The following AGPS variants were observed in gnomAD, a reference collection of about 807,000 sequenced individuals.
AGPS encodes the protein alkylglycerone phosphate synthase.
AGPS carries 26 observed loss-of-function variants against 90.7 expected under a neutral mutation model. The observed-to-expected ratio is 0.29, with a 90% CI of 0.21 to 0.40. The LOEUF (loss-of-function observed/expected upper bound fraction) is 0.40, where lower values mean the gene tolerates loss of function less well. Ranked by LOEUF, AGPS falls within the 10% of genes least tolerant of loss-of-function variation. The pLI, the probability that AGPS is intolerant of heterozygous loss-of-function variation, is 1.00. For synonymous variants in AGPS, 294 were observed against 285.3 expected, an observed-to-expected ratio of 1.03 and a Z score of -0.31; for missense variants, 540 against 816.1, an observed-to-expected ratio of 0.66 and a Z score of 4.12.
intron 3 of AGPS, among the ~76,000 whole-genome samples, chr2:177,435,021 A>ATATATATATATATG (rs1386186429): frequency 4.1e-5 from 6 of 146,982 alleles, no homozygotes; most frequent in African/African-American, 1.2e-4. Context: ...ATATATATAT[A>ATATATATATATATG]TATGTATGAA....
At chr2:177,423,938 A>AT (rs901698712) in intron 2 of AGPS, among the ~76,000 whole-genome samples, 30 of 150,224 alleles carry the variant, frequency 2.0e-4, no homozygotes, top group Admixed American at 1.2e-3. Context: ...AATTCTAGAG[A>AT]TTTTTTTTTT....
At chr2:177,399,702 G>T (rs1191639285) in intron 1 of AGPS, among the ~76,000 whole-genome samples, 1 of 152,116 alleles carries the variant, frequency 6.6e-6, no homozygotes, top group Non-Finnish European at 1.5e-5. Context: ...TATTTTATCT[G>T]TATTTAGATT....
At chr2:177,416,841 T>C (rs191078781) in intron 1 of AGPS, among the ~76,000 whole-genome samples, 2 of 152,294 alleles carry the variant, frequency 1.3e-5, no homozygotes, top group East Asian at 3.9e-4. Flanking sequence ...GTCTTGTTTT[T>C]TGAAAGATGT....
chr2:177,532,371 C>G (rs911951050), intron 19 of AGPS, among the ~76,000 whole-genome samples: 1 of 151,988 alleles, frequency 6.6e-6, no homozygotes. Flanking sequence ...TGTTCAACAT[C>G]GTTAGCTATT....
At chr2:177,479,983 C>T (rs1687897146) in intron 10 of AGPS, among the ~76,000 whole-genome samples, 1 of 152,076 alleles carries the variant, frequency 6.6e-6, no homozygotes, top group Admixed American at 6.6e-5. Context: ...GAGTTCGAGA[C>T]CAGCCTGACC....
At chr2:177,491,519 T>G (rs995552959) in intron 11 of AGPS, among the ~76,000 whole-genome samples, 5 of 151,000 alleles carry the variant, frequency 3.3e-5, no homozygotes, top group African/African-American at 1.2e-4. Flanking sequence ...TCGGGCAGTC[T>G]GCCTCCCTTG....
In AGPS at chr2:177,497,778, A is replaced by G. The variant is rs760059558; in HGVS notation, c.1362+13A>G. ...TTATATTACAAAGGTAAGAATTTTT[A>G]TAAAATGCTAAAATTGTAAATGCTT... On this transcript the variant is annotated intron_variant, in intron 13 of 19. Coordinates refer to ENST00000264167, the MANE Select transcript of AGPS (RefSeq NM_003659.4). The G allele has an allele frequency of 2.2e-6, 3 of 1,356,996 alleles. No homozygotes were observed. The highest frequency in any genetic ancestry group is 2.3e-5 in the East Asian group (1 of 42,592). The allele number at this position is 1,356,996 out of a possible 1,614,324, so 84.1% of individuals were successfully genotyped here.
At chr2:177,410,680 C>T (rs1041732283) in intron 1 of AGPS, among the ~76,000 whole-genome samples, 2 of 152,060 alleles carry the variant, frequency 1.3e-5, no homozygotes, top group African/African-American at 2.4e-5. Flanking sequence ...GACAGTTGTC[C>T]GGGACAGGGA....
chr2:177,393,515 G>A (rs898798568), intron 1 of AGPS: 1 of 985,204 alleles, frequency 1.0e-6, no homozygotes, highest in African/African-American at 1.7e-5. Flanking sequence ...CCTGGAAAAA[G>A]GTGCTGACTG....
chr2:177,508,744 C>G (rs958016822), intron 16 of AGPS, among the ~76,000 whole-genome samples: 2 of 152,164 alleles, frequency 1.3e-5, no homozygotes, highest in Non-Finnish European at 2.9e-5. Flanking sequence ...ATTGTCTATA[C>G]AATCCCTTAT....
intron 13 of AGPS, among the ~76,000 whole-genome samples, chr2:177,499,410 T>C (rs1688493205): frequency 6.6e-6 from 1 of 151,924 alleles, no homozygotes; most frequent in Non-Finnish European, 1.5e-5. Context: ...AGTGTTTTTT[T>C]CTATGCTGAA....
chr2:177,392,912 C>G lies in AGPS; in HGVS notation c.123C>G (p.Leu41=), dbSNP rs1359929229. The G allele has an allele frequency of 1.3e-6, 2 of 1,550,350 alleles. No homozygotes were observed. The highest frequency in any genetic ancestry group is 1.2e-5 in the South Asian group (1 of 84,094). Residue 41 remains leucine, a synonymous_variant, in exon 1 of 20, where the codon CTC becomes CTG. Coordinates refer to ENST00000264167, the MANE Select transcript of AGPS (RefSeq NM_003659.4). ...GCGCCGGGCGGAGGCTGCGGGTTCT[C>G]TCTGGCCATCTGCTGGGCCGGCCCC... ...PDRAGRRLRV[L]SGHLLGRPRE...
In AGPS at chr2:177,505,829, T is replaced by C. The variant is rs149407082; in HGVS notation, c.1545+254T>C. ...TCTTTAAAAGAATGGAGCCTTTCTC[T>C]GTTTAAAAGTTGAGCATACCATTCA... On this transcript the variant is annotated intron_variant, in intron 15 of 19. Coordinates refer to ENST00000264167, the MANE Select transcript of AGPS (RefSeq NM_003659.4). Among the ~76,000 whole-genome samples, 233 of 152,062 alleles carry C rather than the reference T, an allele frequency of 1.5e-3. 1 individual carries two copies. The highest frequency in any genetic ancestry group is 5.3e-3 in the African/African-American group (220 of 41,566).
chr2:177,531,479 T>C (rs1446323360), intron 19 of AGPS, among the ~76,000 whole-genome samples: 3 of 152,110 alleles, frequency 2.0e-5, no homozygotes, highest in African/African-American at 7.2e-5. Flanking sequence ...AGAATCTTGA[T>C]GAAAGAAATC....
At chr2:177,448,117 C>G (rs1318958486) in intron 8 of AGPS, among the ~76,000 whole-genome samples, 1 of 151,924 alleles carries the variant, frequency 6.6e-6, no homozygotes, top group Non-Finnish European at 1.5e-5. Context: ...TCACTAATAA[C>G]CTCACATTAT....
chr2:177,505,647 T>A, intron 15 of AGPS, 72 bp downstream of exon 15: 1 of 1,326,330 alleles, frequency 7.5e-7, no homozygotes, highest in Non-Finnish European at 1.1e-6. Flanking sequence ...TTTAAGTGAA[T>A]GCAATTGTCT....
chr2:177,426,000 A>C (rs1686069891), intron 2 of AGPS, among the ~76,000 whole-genome samples: 1 of 152,152 alleles, frequency 6.6e-6, no homozygotes, highest in African/African-American at 2.4e-5. Context: ...CCATTTTCAC[A>C]ATATTGATTC....
chr2:177,539,312 A>G lies in AGPS; in HGVS notation c.*1117A>G, dbSNP rs2079211405. The G allele has an allele frequency of 6.6e-6, 1 of 151,992 alleles. No individual in the cohort carries two copies. The highest frequency in any genetic ancestry group is 6.6e-5 in the Admixed American group (1 of 15,244). The allele number at this position is 151,992 out of a possible 1,614,324, so 9.4% of individuals were successfully genotyped here. A position where few individuals can be genotyped will look rare whatever the true frequency, so the allele number is the denominator to read the frequency against. ...ACCTAATTTTTTTTAAATGTAATGT[A>G]TTAATGCATATACCATAATCAAAAG... is the stretch of plus-strand genomic sequence containing the variant. On this transcript the variant is annotated 3_prime_UTR_variant, in exon 20 of 20. Transcript: ENST00000264167.
chr2:177,401,547 AT>A (rs765100790), intron 1 of AGPS, among the ~76,000 whole-genome samples: 256 of 140,426 alleles, frequency 1.8e-3, no homozygotes, highest in Admixed American at 1.9e-3. Context: ...TTTAATTTTA[AT>A]TTTTTTTTTT....
Sources: allele counts gnomAD v4.1 joint callset (sites outside exome capture counted in the v4.1 genomes callset), GRCh38; gene constraint gnomAD v4.1.1; transcripts MANE v1.5; gene names NCBI Gene and HGNC (gene_info 2026-07-23, HGNC 2026-07-21).